Variants in NKAIN3 observed in about 807,000 individuals in gnomAD.
NKAIN3 encodes sodium/potassium transporting ATPase interacting 3, also known as sodium/potassium-transporting ATPase subunit beta-1-interacting protein 3.
Under a neutral mutation model 30.2 loss-of-function variants are expected in NKAIN3, and 25 were observed. The ratio of observed to expected loss-of-function variants is 0.83; its 90% CI spans 0.60 to 1.16. The LOEUF is 1.16. NKAIN3 is among the 50% of genes most tolerant of loss of function. The pLI, the probability that NKAIN3 is intolerant of heterozygous loss-of-function variation, is 0.00. For missense variants in NKAIN3, 225 were observed against 254.1 expected (o/e 0.89, Z 0.78); for synonymous variants, 91 against 89.6 (o/e 1.02, Z -0.09).
intron 4 of NKAIN3, among the ~76,000 whole-genome samples, chr8:62,790,150 G>C (rs952918449): frequency 6.6e-6 from 1 of 152,124 alleles, no homozygotes; most frequent in African/African-American, 2.4e-5. Flanking sequence ...ATGCAAGGCT[G>C]GTTCAACATA....
intron 1 of NKAIN3, among the ~76,000 whole-genome samples, chr8:62,561,893 A>T (rs558519240): frequency 2.0e-5 from 3 of 152,264 alleles, no homozygotes; most frequent in Admixed American, 6.5e-5. Context: ...CTTTCAGCTA[A>T]AGTGTGGAAT....
chr8:62,711,167 G>T (rs997510218), intron 3 of NKAIN3, among the ~76,000 whole-genome samples: 20 of 152,064 alleles, frequency 1.3e-4, no homozygotes, highest in Non-Finnish European at 2.5e-4. Context: ...CAGCTGTAAA[G>T]ATTCTTTCTT....
At chr8:62,290,255 C>T (rs1029848637) in intron 1 of NKAIN3, among the ~76,000 whole-genome samples, 4 of 152,120 alleles carry the variant, frequency 2.6e-5, no homozygotes, top group African/African-American at 9.7e-5. Context: ...GCCTGATTTC[C>T]CTGGCCAGAA....
chr8:62,943,237 T>C (rs1279426930), intron 5 of NKAIN3, among the ~76,000 whole-genome samples: 1 of 151,910 alleles, frequency 6.6e-6, no homozygotes, highest in Non-Finnish European at 1.5e-5. Context: ...AAGACATGAA[T>C]AGGCAATTCT....
At chr8:62,280,587 G>A (rs977738118) in intron 1 of NKAIN3, among the ~76,000 whole-genome samples, 3 of 152,086 alleles carry the variant, frequency 2.0e-5, no homozygotes, top group African/African-American at 7.2e-5. Flanking sequence ...AGCATGAAGG[G>A]CTATTGAATT....
At chr8:62,624,502 T>C (rs1421628084) in intron 3 of NKAIN3, among the ~76,000 whole-genome samples, 1 of 147,342 alleles carries the variant, frequency 6.8e-6, no homozygotes, top group Non-Finnish European at 1.5e-5. Flanking sequence ...TTTCATTTCC[T>C]CTGGCTTTAT....
At chr8:62,791,515 A>G (rs1306345313) in intron 4 of NKAIN3, among the ~76,000 whole-genome samples, 1 of 152,124 alleles carries the variant, frequency 6.6e-6, no homozygotes, top group African/African-American at 2.4e-5. Context: ...ATATTATTAA[A>G]TATTGTTGAA....
intron 1 of NKAIN3, among the ~76,000 whole-genome samples, chr8:62,402,699 A>T (rs966643618): frequency 6.6e-6 from 1 of 152,200 alleles, no homozygotes; most frequent in African/African-American, 2.4e-5. Flanking sequence ...TCAGCCCTGC[A>T]GAACTGTAAG....
intron 1 of NKAIN3, among the ~76,000 whole-genome samples, chr8:62,532,365 G>T (rs184006318): frequency 6.6e-6 from 1 of 151,728 alleles, no homozygotes; most frequent in Non-Finnish European, 1.5e-5. Flanking sequence ...CTAAAGCTTC[G>T]CACCTTCATG....
At chr8:62,342,531 C>T (rs1328476195) in intron 1 of NKAIN3, among the ~76,000 whole-genome samples, 1 of 152,038 alleles carries the variant, frequency 6.6e-6, no homozygotes, top group Non-Finnish European at 1.5e-5. Context: ...CATTAATGCC[C>T]TTTGAGTGTC....
chr8:62,493,525 A>G (rs1193196867), intron 1 of NKAIN3, among the ~76,000 whole-genome samples: 2 of 152,082 alleles, frequency 1.3e-5, no homozygotes, highest in Admixed American at 1.3e-4. Context: ...TTGGTTCCAT[A>G]TGAATTTTTA....
intron 2 of NKAIN3, among the ~76,000 whole-genome samples, chr8:62,587,766 C>T (rs1810524716): frequency 6.6e-6 from 1 of 151,920 alleles, no homozygotes; most frequent in African/African-American, 2.4e-5. Context: ...AGGATAATAA[C>T]CCTTTTATTG....
At chr8:62,789,274 T>TA (rs1817627621) in intron 4 of NKAIN3, among the ~76,000 whole-genome samples, 2 of 152,172 alleles carry the variant, frequency 1.3e-5, no homozygotes, top group Non-Finnish European at 2.9e-5. Flanking sequence ...GATTGCTAGG[T>TA]ATTTTATTCT....
intron 2 of NKAIN3, among the ~76,000 whole-genome samples, chr8:62,587,739 G>A (rs1403764431): frequency 6.6e-6 from 1 of 151,872 alleles, no homozygotes; most frequent in African/African-American, 2.4e-5. Flanking sequence ...CACAATACCA[G>A]GAACACAGAA....
chr8:62,488,956 A>C (rs897347129), intron 1 of NKAIN3, among the ~76,000 whole-genome samples: 1 of 152,150 alleles, frequency 6.6e-6, no homozygotes, highest in Non-Finnish European at 1.5e-5. Context: ...ATTCTAGCAA[A>C]ATGGCAGGCG....
At chr8:62,875,908 A>G (rs982064564) in intron 4 of NKAIN3, among the ~76,000 whole-genome samples, 5 of 152,224 alleles carry the variant, frequency 3.3e-5, no homozygotes, top group Non-Finnish European at 7.3e-5. Flanking sequence ...CATTCAGGAC[A>G]TAGGAATGGG....
chr8:62,880,259 C>T (rs1030026560), intron 4 of NKAIN3, among the ~76,000 whole-genome samples: 1 of 152,174 alleles, frequency 6.6e-6, no homozygotes, highest in African/African-American at 2.4e-5. Context: ...TGGCTCCAAG[C>T]TGTCTGGACG....
In NKAIN3 at chr8:62,573,759, A is replaced by C. The variant is rs888429743; in HGVS notation, c.55-5780A>C. On this transcript the variant is annotated intron_variant, in intron 1 of 6. Transcript: ENST00000623646. ...TTTTAATTTTTAATTTTGTGGGTAC[A>C]TAGTAGGTGTATAGACTTATGGGGT... is the stretch of plus-strand genomic sequence containing the variant. Among the ~76,000 whole-genome samples, 5 of 151,986 alleles carry C rather than the reference A, an allele frequency of 3.3e-5. No individual in the cohort carries two copies. The South Asian group carries it at 1.0e-3, about 32-fold the overall frequency.
chr8:62,259,860 T>C (rs1361910482), intron 1 of NKAIN3, among the ~76,000 whole-genome samples: 1 of 152,060 alleles, frequency 6.6e-6, no homozygotes, highest in African/African-American at 2.4e-5. Flanking sequence ...CATTTATCCA[T>C]TGGTAAAAGG....
Sources: allele counts gnomAD v4.1 joint callset (sites outside exome capture counted in the v4.1 genomes callset), GRCh38; gene constraint gnomAD v4.1.1; transcripts MANE v1.5; gene names NCBI Gene and HGNC (gene_info 2026-07-23, HGNC 2026-07-21).